CLCN7: variants seen among roughly 807,000 people sequenced by gnomAD.
The protein encoded by CLCN7 is H(+)/Cl(-) exchange transporter 7.
In CLCN7, 60 loss-of-function variants were observed where a neutral mutation model predicts 102.1. The ratio of observed to expected loss-of-function variants is 0.59; its 90% CI spans 0.48 to 0.73. The LOEUF (loss-of-function observed/expected upper bound fraction) is 0.73. Ranked by LOEUF, CLCN7 falls within the 30% of genes least tolerant of loss-of-function variation. The probability of loss-of-function intolerance (pLI) is 0.00; values close to 1 mark genes in which losing one functional copy is unlikely to be tolerated. For missense variants in CLCN7, 962 were observed against 1,125.7 expected (o/e 0.85, Z 2.08); for synonymous variants, 560 against 490.5 (o/e 1.14, Z -1.87).
chr16:1,461,435 G>A lies in CLCN7; in HGVS notation c.321C>T (p.Phe107=), dbSNP rs766502522. Residue 107 remains phenylalanine, a synonymous_variant, in exon 4 of 25, where the codon TTC becomes TTT. Transcript: ENST00000382745. ...LDYDNSENQL[F]LEEERRINHT... is the part of the protein sequence containing the mutation. ...GATTGATCCGCCGCTCCTCCTCCAG[G>A]AACAGCTGGTTCTCACTGTTGTCAT... The A allele has an allele frequency of 3.2e-6, 5 of 1,556,932 alleles. No homozygotes were observed. The highest frequency in any genetic ancestry group is 2.4e-5 in the South Asian group (2 of 84,668).
intron 13 of CLCN7, 91 bp downstream of exon 13, chr16:1,454,320 G>C: frequency 7.4e-7 from 1 of 1,356,586 alleles, no homozygotes; most frequent in South Asian, 1.2e-5. Flanking sequence ...AGGCTCCAGG[G>C]AGCCACAGCC....
chr16:1,474,597 C>G (rs1323338513), intron 1 of CLCN7, among the ~76,000 whole-genome samples: 2 of 152,180 alleles, frequency 1.3e-5, no homozygotes, highest in African/African-American at 2.4e-5. Flanking sequence ...GCGAGCTCCG[C>G]CTCGCCCACG....
rs1358074448 is a variant in CLCN7 at position 1,457,739 on chromosome 16, C to A, written c.693G>T (p.Val231=). The stretch of plus-strand genomic sequence containing the variant: ...CGACCACGGACAGGATCACACCGGA[C>A]ACTTTGATCACCAACGTCTGAAACA... ...VVRLKTLVIK[V]SGVILSVVGG... is the part of the protein sequence containing the mutation. The change falls in exon 8 of 25, where the codon GTG becomes GTT. Residue 231 remains valine (V), a synonymous_variant. Transcript: ENST00000382745. This position sits in a 1 kb window ranked among gnomAD's most constrained non-coding sequence, Gnocchi z 5.4. The A allele has an allele frequency of 3.1e-6, 5 of 1,613,918 alleles. No homozygotes were observed. In the South Asian group the frequency reaches 5.5e-5, roughly 18 times the overall value.
intron 1 of CLCN7, among the ~76,000 whole-genome samples, chr16:1,470,960 C>T (rs1304903448): frequency 2.0e-5 from 3 of 152,226 alleles, no homozygotes; most frequent in East Asian, 1.9e-4. Flanking sequence ...TGGCTCCAGC[C>T]GCTTTCCCTC....
chr16:1,446,973 C>A (rs1385756010), intron 24 of CLCN7, 33 bp downstream of exon 24: 2 of 1,538,218 alleles, frequency 1.3e-6, no homozygotes, highest in South Asian at 2.4e-5. Context: ...GAGCCCTGCA[C>A]GGCATGCCTG....
chr16:1,459,238 T>A, intron 6 of CLCN7, 51 bp from the exon 7 acceptor site: 1 of 1,420,000 alleles, frequency 7.0e-7, no homozygotes, highest in Non-Finnish European at 9.6e-7. Context: ...CTGAGACAGA[T>A]GCAGCCCCTC....
chr16:1,457,817 G>A lies in CLCN7; in HGVS notation c.676-61C>T, dbSNP rs1567270406. The A allele has an allele frequency of 2.0e-6, 3 of 1,527,544 alleles. No individual in the cohort carries two copies. The highest frequency in any genetic ancestry group is 2.7e-6 in the Non-Finnish European group (3 of 1,102,920). The allele number at this position is 1,527,544 out of a possible 1,614,324, so 94.6% of individuals were successfully genotyped here. A position where few individuals can be genotyped will look rare whatever the true frequency, so the allele number is the denominator to read the frequency against. ...AGGCAGGCGCTGTCTTTGGACCTGA[G>A]CCGTAAAACAGCACACACAGCCCCG... On this transcript the variant is annotated intron_variant, in intron 7 of 24. Transcript: ENST00000382745. This position sits in a 1 kb window ranked among gnomAD's most constrained non-coding sequence, Gnocchi z 5.4.
At chr16:1,447,302 C>A (rs937291907) in intron 23 of CLCN7, 90 bp downstream of exon 23, 15 of 1,356,600 alleles carry the variant, frequency 1.1e-5, no homozygotes, top group Admixed American at 4.1e-5. Flanking sequence ...CCGCTGTGGC[C>A]CCCCCCGGCT....
chr16:1,446,568 C>A lies in CLCN7; in HGVS notation c.*63G>T, dbSNP rs755846000. 7.1e-7 allele frequency: 1 copy of A among 1,404,940 alleles called. No homozygotes were observed. Among genetic ancestry groups the A allele is most frequent in the Admixed American group, 2.0e-5 (1 of 50,824 alleles). 87.0% of individuals were successfully genotyped at this position (1,404,940 alleles called of 1,614,324 possible). On this transcript the variant is annotated 3_prime_UTR_variant, in exon 25 of 25. Transcript: ENST00000382745. Reference sequence around the variant, plus strand: ...GTTTGGGCCGAGAAACCAGTGACTCCGGGAGGAAATGCAGAAGGGCCGGGG... The same window carrying A: ...GTTTGGGCCGAGAAACCAGTGACTCAGGGAGGAAATGCAGAAGGGCCGGGG...
rs1400829229 is a variant in CLCN7 at position 1,457,166 on chromosome 16, G to A, written c.822+88C>T. ...GATGGGGCTGGGGCTCTCGGCCTGG[G>A]GGTGCTGAGGGAAGCCCATCTCCCT... On this transcript the variant is annotated intron_variant, in intron 9 of 24. Coordinates refer to ENST00000382745, the MANE Select transcript of CLCN7 (RefSeq NM_001287.6). The surrounding 1 kb of genome is among the most constrained non-coding windows in gnomAD (Gnocchi z 5.4). 4.9e-6 allele frequency: 6 copies of A among 1,236,106 alleles called. No homozygotes were observed. In the African/African-American group the frequency reaches 8.9e-5, roughly 18 times the overall value. The allele number at this position is 1,236,106 out of a possible 1,614,324, so 76.6% of individuals were successfully genotyped here. A position where few individuals can be genotyped will look rare whatever the true frequency, so the allele number is the denominator to read the frequency against.
rs576806700 is a variant in CLCN7 at position 1,471,978 on chromosome 16, C to G, written c.141+2856G>C. On this transcript the variant is annotated intron_variant, in intron 1 of 24. Coordinates refer to ENST00000382745, the MANE Select transcript of CLCN7 (RefSeq NM_001287.6). ...ACACACACTCCCTCTGTCCTTTCCC[C>G]CCGTCCGCCTGCCTGAAGATCTTGT... is the stretch of plus-strand genomic sequence containing the variant. 32 of 152,696 alleles carry G rather than the reference C, an allele frequency of 2.1e-4. 1 individual carries two copies. Among genetic ancestry groups the G allele is most frequent in the Admixed American group, 1.4e-3 (22 of 15,310 alleles). 9.5% of individuals were successfully genotyped at this position (152,696 alleles called of 1,614,324 possible). A position where few individuals can be genotyped will look rare whatever the true frequency, so the allele number is the denominator to read the frequency against.
rs760207641 is a variant in CLCN7 at position 1,448,970 on chromosome 16, A to G, written c.1793T>C (p.Ile598Thr). 2 of 1,612,592 alleles carry G rather than the reference A, an allele frequency of 1.2e-6. No individual in the cohort carries two copies. Among genetic ancestry groups the G allele is most frequent in the Admixed American group, 1.7e-5 (1 of 60,022 alleles). ...GGCTTCGAGGCCCTGGCGCACCTCA[A>G]TGAAGACGTCGCCCACGATCTTGGC... ...MTAKIVGDVF[I>T]EGLYDMHIQL... The change falls in exon 19 of 25, where the codon ATT becomes ACT. Residue 598 changes from isoleucine (I) to threonine (T), a missense_variant. By Grantham distance (89) the Ile-to-Thr change is moderately conservative. Coordinates refer to ENST00000382745, the MANE Select transcript of CLCN7 (RefSeq NM_001287.6).
chr16:1,446,308 T>G lies in CLCN7; in HGVS notation c.*323A>C, dbSNP rs766816261. 1 of 700,708 alleles carries G rather than the reference T, an allele frequency of 1.4e-6. No individual in the cohort carries two copies. The highest frequency in any genetic ancestry group is 1.5e-5 in the South Asian group (1 of 67,522). The allele number at this position is 700,708 out of a possible 1,614,324, so 43.4% of individuals were successfully genotyped here. On this transcript the variant is annotated 3_prime_UTR_variant, in exon 25 of 25. Transcript: ENST00000382745. ...GGCACAGGCACGCAGGTGCCGGCCC[T>G]GCCGCTGGCTCCCAAGAGGCCGATA...
At chr16:1,459,291 C>T (rs967879416) in intron 6 of CLCN7, 104 bp from the exon 7 acceptor site, 20 of 988,018 alleles carry the variant, frequency 2.0e-5, no homozygotes, top group African/African-American at 1.1e-4. Context: ...GCAGACACGT[C>T]GGGGCCTCAG....
chr16:1,449,357 G>A (rs2038705789), intron 17 of CLCN7, 30 bp from the exon 18 acceptor site: 6 of 1,569,682 alleles, frequency 3.8e-6, no homozygotes, highest in South Asian at 1.2e-5. Flanking sequence ...GGAGGTGTCA[G>A]TGTGGTGGCA....
At chr16:1,462,139 C>A (rs538122018) in intron 2 of CLCN7, among the ~76,000 whole-genome samples, 24 of 151,462 alleles carry the variant, frequency 1.6e-4, no homozygotes, top group South Asian at 6.3e-4. Flanking sequence ...ACCACGGATG[C>A]AAAGATCTTT....
In CLCN7 at chr16:1,450,537, C is replaced by T. The variant is rs139329533; in HGVS notation, c.1577G>A (p.Arg526Gln). The T allele has an allele frequency of 6.2e-6, 10 of 1,610,344 alleles. No homozygotes were observed. Among genetic ancestry groups the T allele is most frequent in the Middle Eastern group, 1.7e-4 (1 of 6,060 alleles). The stretch of plus-strand genomic sequence containing the variant: ...GTAGGACAGGGAGATCCCAAAGAGC[C>T]GGCCCCAGGCAGCCCCGATGAGCAG... Reference protein sequence around the residue: ...PSLLIGAAWGRLFGISLSYLT... With the variant: ...PSLLIGAAWGQLFGISLSYLT... The change falls in exon 17 of 25, where the codon CGG becomes CAG. Residue 526 changes from arginine to glutamine, a missense_variant. Coordinates refer to ENST00000382745, the MANE Select transcript of CLCN7 (RefSeq NM_001287.6).
rs2038705573 is a variant in CLCN7 at position 1,449,347 on chromosome 16, G to A, written c.1618-20C>T. 1 of 1,575,446 alleles carries A rather than the reference G, an allele frequency of 6.3e-7. No individual in the cohort carries two copies. The highest frequency in any genetic ancestry group is 1.8e-5 in the Admixed American group (1 of 54,420). On this transcript the variant is annotated intron_variant, in intron 17 of 24. Coordinates refer to ENST00000382745, the MANE Select transcript of CLCN7 (RefSeq NM_001287.6). ...CCAGATCTGTGGGAGGTGACACGGA[G>A]GAGGTGTCAGTGTGGTGGCAGGCCC...
chr16:1,471,527 G>A (rs2039077609), intron 1 of CLCN7: 1 of 152,276 alleles, frequency 6.6e-6, no homozygotes, highest in African/African-American at 2.4e-5. Context: ...GCAGCACCAA[G>A]AAATCCAGTA....
Sources: gnomAD v4.1 joint callset for allele counts (sites outside exome capture counted in the v4.1 genomes callset) on GRCh38, gnomAD v4.1.1 for gene constraint, Gnocchi (gnomAD v3.1) non-coding constraint, MANE v1.5 for transcripts, NCBI Gene and HGNC (gene_info 2026-07-23, HGNC 2026-07-21) for gene names.